The following C9orf85 variants were observed in gnomAD, a reference collection of about 807,000 sequenced individuals.
C9orf85 encodes uncharacterized protein C9orf85.
In C9orf85, 16 loss-of-function variants were observed where a neutral mutation model predicts 14.9. The ratio of observed to expected loss-of-function variants is 1.08; its 90% CI spans 0.73 to 1.63. The LOEUF is 1.63. Ranked by LOEUF, C9orf85 falls within the 40% of genes most tolerant of loss-of-function variation. The pLI, the probability that C9orf85 is intolerant of heterozygous loss-of-function variation, is 0.00. For synonymous variants in C9orf85, 45 were observed against 56.8 expected (o/e 0.79, Z 0.93); for missense variants, 172 against 186.1 (o/e 0.92, Z 0.44).
At chr9:71,965,149 C>T (rs1051790691) in intron 2 of C9orf85, among the ~76,000 whole-genome samples, 1 of 152,194 alleles carries the variant, frequency 6.6e-6, no homozygotes, top group African/African-American at 2.4e-5. Context: ...AGCTCCCATA[C>T]AAAGGTAGGG....
intron 1 of C9orf85, among the ~76,000 whole-genome samples, chr9:71,914,883 G>A (rs1235392095): frequency 1.3e-5 from 2 of 152,190 alleles, no homozygotes; most frequent in African/African-American, 2.4e-5. Flanking sequence ...GACTTATGGG[G>A]ATTCAGAGGG....
At chr9:71,937,425 CTGTT>C (rs912185858) in intron 1 of C9orf85, among the ~76,000 whole-genome samples, 2 of 152,098 alleles carry the variant, frequency 1.3e-5, no homozygotes, top group Non-Finnish European at 2.9e-5. Flanking sequence ...GAATGGTTCT[CTGTT>C]TGGGATGATC....
At chr9:71,915,635 G>T (rs994120840) in intron 1 of C9orf85, among the ~76,000 whole-genome samples, 1 of 151,882 alleles carries the variant, frequency 6.6e-6, no homozygotes, top group African/African-American at 2.4e-5. Flanking sequence ...AGTATATAAG[G>T]TACTGTATAA....
intron 1 of C9orf85, among the ~76,000 whole-genome samples, chr9:71,936,248 A>T (rs1564087907): frequency 6.6e-6 from 1 of 152,090 alleles, no homozygotes; most frequent in Non-Finnish European, 1.5e-5. Context: ...ATGAGTTAGC[A>T]CTAGGGACAT....
chr9:71,936,450 TAG>T (rs1193568513), intron 1 of C9orf85, among the ~76,000 whole-genome samples: 1 of 71,956 alleles, frequency 1.4e-5, no homozygotes, highest in African/African-American at 4.3e-5. Context: ...ACCCTACTTG[TAG>T]AGAGTCTTTT....
intron 3 of C9orf85, among the ~76,000 whole-genome samples, chr9:71,979,603 T>C (rs1030130945): frequency 3.3e-5 from 5 of 152,214 alleles, no homozygotes; most frequent in African/African-American, 9.6e-5. Flanking sequence ...TCACAGTTTT[T>C]AATACTTGTT....
chr9:71,961,994 G>A (rs1265757291), intron 2 of C9orf85, among the ~76,000 whole-genome samples: 1 of 152,100 alleles, frequency 6.6e-6, no homozygotes, highest in Non-Finnish European at 1.5e-5. Flanking sequence ...GTGAGACCCT[G>A]TCACTACAAA....
chr9:71,939,425 A>G (rs1028283794), intron 1 of C9orf85, among the ~76,000 whole-genome samples: 1 of 152,104 alleles, frequency 6.6e-6, no homozygotes, highest in African/African-American at 2.4e-5. Flanking sequence ...TATGGAATTC[A>G]TCAATGTATA....
chr9:71,941,382 A>T (rs1821925704), intron 1 of C9orf85, among the ~76,000 whole-genome samples: 1 of 152,232 alleles, frequency 6.6e-6, no homozygotes. Flanking sequence ...CAAGGCAAGA[A>T]CTGGACAGTA....
At chr9:71,948,245 T>C (rs1030082952) in intron 2 of C9orf85, among the ~76,000 whole-genome samples, 1 of 152,138 alleles carries the variant, frequency 6.6e-6, no homozygotes, top group African/African-American at 2.4e-5. Context: ...TGGGAAAAAA[T>C]TTTGCTTACA....
At chr9:71,945,229 AG>A (rs1250247671) in intron 1 of C9orf85, among the ~76,000 whole-genome samples, 5 of 152,256 alleles carry the variant, frequency 3.3e-5, no homozygotes, top group Non-Finnish European at 7.3e-5. Flanking sequence ...ACGACAGAGA[AG>A]ACAAATGATG....
downstream of C9orf85, chr9:71,985,077 T>C (rs1320173371): frequency 6.6e-6 from 1 of 152,260 alleles, no homozygotes; most frequent in East Asian, 1.9e-4. Flanking sequence ...TCCTCGTGTA[T>C]GTGTTCTGCT....
intron 1 of C9orf85, among the ~76,000 whole-genome samples, chr9:71,925,746 T>A (rs139301528): frequency 1.0e-3 from 154 of 152,332 alleles, no homozygotes; most frequent in African/African-American, 3.6e-3. Context: ...TATATCTGAA[T>A]GTAGCGAACT....
chr9:71,939,134 GA>G (rs1366420712), intron 1 of C9orf85, among the ~76,000 whole-genome samples: 1 of 151,368 alleles, frequency 6.6e-6, no homozygotes, highest in Non-Finnish European at 1.5e-5. Context: ...CTATAAAATT[GA>G]TCTGTAGAGG....
intron 2 of C9orf85, among the ~76,000 whole-genome samples, chr9:71,962,908 T>G (rs988084051): frequency 1.3e-5 from 2 of 152,018 alleles, no homozygotes; most frequent in Non-Finnish European, 2.9e-5. Flanking sequence ...ATACAAAAAT[T>G]AGCCAGGTGT....
chr9:71,926,958 A>C (rs940404675), intron 1 of C9orf85, among the ~76,000 whole-genome samples: 1 of 152,096 alleles, frequency 6.6e-6, no homozygotes, highest in African/African-American at 2.4e-5. Context: ...TTAAGCCTTC[A>C]AGTAGAAGGG....
intron 3 of C9orf85, among the ~76,000 whole-genome samples, chr9:71,982,173 T>A (rs993374900): frequency 6.6e-6 from 1 of 152,192 alleles, no homozygotes; most frequent in Non-Finnish European, 1.5e-5. Flanking sequence ...TCTAGCTCCA[T>A]TCACCTTACA....
intron 2 of C9orf85, among the ~76,000 whole-genome samples, chr9:71,951,299 A>G (rs1442551494): frequency 6.6e-6 from 1 of 152,234 alleles, no homozygotes; most frequent in African/African-American, 2.4e-5. Context: ...GATGATGGCT[A>G]TGAAAGATGA....
intron 2 of C9orf85, among the ~76,000 whole-genome samples, chr9:71,948,859 T>C (rs1822170894): frequency 6.8e-6 from 1 of 147,684 alleles, no homozygotes; most frequent in Admixed American, 6.7e-5. Flanking sequence ...CTTGCTCCTT[T>C]TAGTCTTTTC....
Sources: allele counts gnomAD v4.1 joint callset (sites outside exome capture counted in the v4.1 genomes callset), GRCh38; gene constraint gnomAD v4.1.1; transcripts MANE v1.5; gene names NCBI Gene and HGNC (gene_info 2026-07-23, HGNC 2026-07-21).